PRKDC: variants seen among roughly 807,000 people sequenced by gnomAD.
The protein encoded by PRKDC is protein kinase, DNA-activated, catalytic subunit.
In PRKDC, 82 loss-of-function variants were observed where a neutral mutation model predicts 486.9. The observed-to-expected ratio is 0.17, with a 90% CI of 0.14 to 0.20. The LOEUF (loss-of-function observed/expected upper bound fraction) is 0.20. Ranked by LOEUF, PRKDC falls within the 10% of genes least tolerant of loss-of-function variation. PRKDC has a pLI of 1.00. For missense variants in PRKDC, 4,504 were observed against 5,038.2 expected (o/e 0.89, Z 3.21); for synonymous variants, 1,895 against 1,837.0 (o/e 1.03, Z -0.81).
intron 72 of PRKDC, among the ~76,000 whole-genome samples, chr8:47,798,890 C>T (rs1258025612): frequency 1.3e-5 from 2 of 151,826 alleles, no homozygotes; most frequent in African/African-American, 4.8e-5. Context: ...CTCACTGCAA[C>T]CTCTGCCTCC....
In PRKDC at chr8:47,798,388, G is replaced by C. The variant is rs2087024096; in HGVS notation, c.10307C>G (p.Ser3436Cys). ...KEEENASVID[S>C]AELQAYPALV... ...TGCTGGATACGCCTGCAGTTCTGCAGAATCAATAACTATCAAGGACACCAA... is the reference window on the plus strand; with the variant it reads ...TGCTGGATACGCCTGCAGTTCTGCACAATCAATAACTATCAAGGACACCAA... Residue 3436 changes from serine (S) to cysteine (C), a missense_variant, in exon 73 of 86, where the codon TCT (serine) becomes TGT (cysteine). By Grantham distance (112) the Ser-to-Cys change is moderately radical (BLOSUM62 -1). Coordinates refer to ENST00000314191, the MANE Select transcript of PRKDC (RefSeq NM_006904.7). The C allele has an allele frequency of 3.1e-6, 5 of 1,599,582 alleles. No homozygotes were observed. Among genetic ancestry groups the C allele is most frequent in the Non-Finnish European group, 3.4e-6 (4 of 1,173,834 alleles).
Position 47,807,326 on chromosome 8 carries a change from T to C in PRKDC, c.9558A>G (p.Arg3186=), listed in dbSNP as rs1395770181. The C allele has an allele frequency of 4.5e-6, 7 of 1,541,876 alleles. No individual in the cohort carries two copies. Among genetic ancestry groups the C allele is most frequent in the South Asian group, 1.3e-5 (1 of 79,434 alleles). ...CCTCTATTTTGCTGAGAAAGAAACA[T>C]CTACACAAAGAAAAATGAGACAATG... ...MNIWDDIITN[R]CFFLSKIEEK... The change falls in exon 69 of 86, where the codon CGA becomes CGG. Residue 3186 remains arginine (R), a splice_region_variant and synonymous_variant. Transcript: ENST00000314191.
intron 69 of PRKDC, 80 bp downstream of exon 69, chr8:47,807,057 T>C: frequency 7.0e-7 from 1 of 1,418,472 alleles, no homozygotes; most frequent in Non-Finnish European, 9.5e-7. Flanking sequence ...GTTCAGACTC[T>C]AAAGAAAAGC....
chr8:47,914,104 C>A (rs1484300611), intron 23 of PRKDC, 40 bp from the exon 24 acceptor site: 3 of 1,388,744 alleles, frequency 2.2e-6, no homozygotes, highest in Admixed American at 2.8e-5. Flanking sequence ...CACTTTTTTT[C>A]TTTTTATTAG....
intron 4 of PRKDC, among the ~76,000 whole-genome samples, chr8:47,955,422 A>G (rs1288888192): frequency 1.5e-5 from 2 of 137,372 alleles, no homozygotes; most frequent in East Asian, 4.3e-4. Flanking sequence ...AGATCCCGCC[A>G]CTGCACTCCA....
chr8:47,898,661 A>C, intron 28 of PRKDC, 92 bp from the exon 29 acceptor site: 1 of 746,354 alleles, frequency 1.3e-6, no homozygotes, highest in Non-Finnish European at 1.9e-6. Flanking sequence ...CCTAATTTTT[A>C]ACTGAAAAGG....
chr8:47,837,569 T>C, intron 56 of PRKDC, 150 bp from the exon 57 acceptor site: 1 of 621,238 alleles, frequency 1.6e-6, no homozygotes, highest in Non-Finnish European at 2.8e-6. Flanking sequence ...ATCAAAAATA[T>C]AGTCTGAGTT....
intron 58 of PRKDC, among the ~76,000 whole-genome samples, chr8:47,835,489 C>T (rs1238498234): frequency 2.6e-5 from 4 of 151,472 alleles, no homozygotes; most frequent in Non-Finnish European, 5.9e-5. Flanking sequence ...AGGTGGTGCG[C>T]GCCTGTAGTT....
intron 11 of PRKDC, among the ~76,000 whole-genome samples, chr8:47,937,079 C>T (rs1191371159): frequency 1.3e-5 from 2 of 148,642 alleles, no homozygotes; most frequent in Middle Eastern, 3.2e-3. Context: ...CATGGTGAAA[C>T]CCCGTCTCTA....
rs2154497507 is a variant in PRKDC at position 47,782,254 on chromosome 8, C to T, written c.11397G>A (p.Arg3799=). The change falls in exon 80 of 86, where the codon AGG becomes AGA. Residue 3799 remains arginine, a splice_region_variant and synonymous_variant. Coordinates refer to ENST00000314191, the MANE Select transcript of PRKDC (RefSeq NM_006904.7). This position sits in a 1 kb window ranked among gnomAD's most constrained non-coding sequence, Gnocchi z 4.9. ...RTYSVVPMTS[R]LGLIEWLENT... is the part of the protein sequence containing the mutation. Reference sequence around the variant, plus strand: ...TTTCAAGCCACTCAATTAATCCTAACCTGAAAGGGAGAATAAAAGGTTAAC... The same window carrying T: ...TTTCAAGCCACTCAATTAATCCTAATCTGAAAGGGAGAATAAAAGGTTAAC... 2 of 1,613,662 alleles carry T rather than the reference C, an allele frequency of 1.2e-6. No individual in the cohort carries two copies. The highest frequency in any genetic ancestry group is 1.7e-6 in the Non-Finnish European group (2 of 1,179,558).
At chr8:47,888,449 A>C in intron 34 of PRKDC, 69 bp downstream of exon 34, 1 of 1,332,202 alleles carries the variant, frequency 7.5e-7, no homozygotes. Context: ...TTTAAGAAAT[A>C]ATATAAATAA....
rs377013091 is a variant in PRKDC, at chr8:47,778,651, G to A, written c.11661C>T (p.Phe3887=). ...KVPADLLKRA[F]VRMSTSPEAF... is the part of the protein sequence containing the mutation. ...CCTCAGGGCTTGTACTCATCCTCAC[G>A]AAGGCCCGCCTACAAAAGAGACACA... Residue 3887 remains phenylalanine, a synonymous_variant, in exon 83 of 86, where the codon TTC becomes TTT. Transcript: ENST00000314191. The A allele has an allele frequency of 3.7e-5, 59 of 1,613,254 alleles. No homozygotes were observed. The East Asian group carries it at 4.0e-4, about 11-fold the overall frequency.
chr8:47,879,294 G>A (rs1303470960), intron 39 of PRKDC, among the ~76,000 whole-genome samples, 197 bp downstream of exon 39: 1 of 152,144 alleles, frequency 6.6e-6, no homozygotes, highest in Non-Finnish European at 1.5e-5. Flanking sequence ...TTCAGTATGT[G>A]CTTCCTCTTC....
intron 85 of PRKDC, among the ~76,000 whole-genome samples, chr8:47,776,062 G>A (rs191191561): frequency 7.2e-5 from 11 of 152,190 alleles, no homozygotes; most frequent in Admixed American, 5.2e-4. Flanking sequence ...GACCTCAAGT[G>A]ATCCACTAGC....
chr8:47,873,227 CAAA>C (rs60385860), intron 40 of PRKDC, among the ~76,000 whole-genome samples: 6 of 71,076 alleles, frequency 8.4e-5, no homozygotes, highest in Non-Finnish European at 1.1e-4. Context: ...GACTCCATCT[CAAA>C]AAAAAAAAAA....
intron 21 of PRKDC, among the ~76,000 whole-genome samples, chr8:47,918,673 G>A (rs186860141): frequency 2.0e-4 from 31 of 152,132 alleles, no homozygotes; most frequent in African/African-American, 7.0e-4. Context: ...GCCAAATCTG[G>A]GACAATGTGG....
intron 12 of PRKDC, 70 bp downstream of exon 12, chr8:47,936,283 T>C (rs1006733466): frequency 2.7e-6 from 4 of 1,492,450 alleles, no homozygotes; most frequent in Non-Finnish European, 3.6e-6. Flanking sequence ...ATGTATTGTA[T>C]GACTCCATCA....
In PRKDC at chr8:47,834,237, CTTTTT is replaced by C; in HGVS notation, c.8106_8110del (p.Lys2703AlafsTer10). 1.2e-6 allele frequency: 2 copies of C among 1,613,990 alleles called. No individual in the cohort carries two copies. Among genetic ancestry groups the C allele is most frequent in the Non-Finnish European group, 1.7e-6 (2 of 1,179,894 alleles). On this transcript the variant is annotated frameshift_variant, in exon 59 of 86. Coordinates refer to ENST00000314191, the MANE Select transcript of PRKDC (RefSeq NM_006904.7). LOFTEE classifies it high-confidence loss of function. ...CACCTCGTCCCCTGGAAGGCCCAGC[CTTTTT>C]TTCCCAAAATCAGGCCCCACTGACT...
intron 68 of PRKDC, among the ~76,000 whole-genome samples, chr8:47,817,177 T>A (rs1160468231): frequency 6.6e-6 from 1 of 152,210 alleles, no homozygotes; most frequent in Non-Finnish European, 1.5e-5. Context: ...GAGAAGCAAA[T>A]GCACACTGAC....
Sources: gnomAD v4.1 joint callset for allele counts (sites outside exome capture counted in the v4.1 genomes callset) on GRCh38, gnomAD v4.1.1 for gene constraint, Gnocchi (gnomAD v3.1) non-coding constraint, MANE v1.5 for transcripts, NCBI Gene and HGNC (gene_info 2026-07-23, HGNC 2026-07-21) for gene names.